GPHN: variants seen among roughly 807,000 people sequenced by gnomAD.
The protein encoded by GPHN is gephyrin.
GPHN carries 17 observed loss-of-function variants against 95.5 expected under a neutral mutation model. That is an observed-to-expected ratio of 0.18 (90% confidence interval 0.12 to 0.27). GPHN has a LOEUF of 0.27. Among genes scored for constraint, GPHN ranks in the 10% least tolerant of loss-of-function variants. The pLI is 1.00. For synonymous variants in GPHN, 320 were observed against 322.5 expected (o/e 0.99, Z 0.08); for missense variants, 660 against 978.1 (o/e 0.67, Z 4.34).
the GPHN span, among the ~76,000 whole-genome samples, chr14:67,734,765 G>T: frequency 6.6e-6 from 1 of 152,204 alleles, no homozygotes; most frequent in African/African-American, 2.4e-5. Context: ...TTTGAGTGCT[G>T]ACGGAGACAC....
At chr14:66,910,869 A>G (rs1427553801) in intron 5 of GPHN, among the ~76,000 whole-genome samples, 2 of 151,982 alleles carry the variant, frequency 1.3e-5, no homozygotes, top group Admixed American at 6.6e-5. Context: ...TACAATTTGA[A>G]GAACACTGTC....
At chr14:66,711,729 A>G (rs1263148166) in intron 2 of GPHN, among the ~76,000 whole-genome samples, 1 of 150,230 alleles carries the variant, frequency 6.7e-6, no homozygotes, top group East Asian at 2.0e-4. Flanking sequence ...TCCTAATGCT[A>G]TCCCTCCCCC....
At chr14:66,659,900 T>A (rs758181330) in intron 1 of GPHN, among the ~76,000 whole-genome samples, 83 of 152,120 alleles carry the variant, frequency 5.5e-4, no homozygotes, top group Non-Finnish European at 1.0e-3. Context: ...TTACACCATT[T>A]ACATTTATAT....
chr14:66,676,706 A>G (rs1190598528), intron 1 of GPHN, among the ~76,000 whole-genome samples: 1 of 138,066 alleles, frequency 7.2e-6, no homozygotes, highest in Admixed American at 7.9e-5. Context: ...CTTTGGATTC[A>G]GATTCCTAGT....
At chr14:67,199,901 C>T in the GPHN span, 1 of 1,480,880 alleles carries the variant, frequency 6.8e-7, no homozygotes, top group Non-Finnish European at 9.0e-7. Flanking sequence ...GCAGGAACCC[C>T]AGGGGCAGGA....
chr14:67,662,629 G>T, the GPHN span: 3 of 1,133,466 alleles, frequency 2.6e-6, no homozygotes, highest in Non-Finnish European at 3.8e-6. Flanking sequence ...CCTATGGCAG[G>T]GCCTGGTGGC....
At chr14:67,069,545 A>G (rs1721269514) in intron 11 of GPHN, among the ~76,000 whole-genome samples, 1 of 152,272 alleles carries the variant, frequency 6.6e-6, no homozygotes, top group East Asian at 1.9e-4. Context: ...CTTAGTTCCA[A>G]CAGCAAAACT....
the GPHN span, among the ~76,000 whole-genome samples, chr14:67,617,807 G>A: frequency 2.2e-3 from 338 of 152,210 alleles, 3 homozygotes; most frequent in Non-Finnish European, 3.8e-3. Flanking sequence ...CGCAATCTCC[G>A]CCTCCCAGGT....
At chr14:67,638,576 T>C in the GPHN span, among the ~76,000 whole-genome samples, 2 of 152,156 alleles carry the variant, frequency 1.3e-5, no homozygotes, top group East Asian at 1.9e-4. Context: ...TTAGGACTCA[T>C]TGTCCCAAGT....
chr14:66,720,962 A>G (rs2070687833), intron 2 of GPHN, among the ~76,000 whole-genome samples: 1 of 152,216 alleles, frequency 6.6e-6, no homozygotes, highest in Non-Finnish European at 1.5e-5. Context: ...CAAAGCACAA[A>G]AGAGCCAGCA....
chr14:66,656,338 G>A (rs750881953), intron 1 of GPHN, among the ~76,000 whole-genome samples: 4 of 152,092 alleles, frequency 2.6e-5, no homozygotes, highest in Non-Finnish European at 5.9e-5. Flanking sequence ...TTGTTCTTTT[G>A]AGGAATTGCC....
intron 18 of GPHN, among the ~76,000 whole-genome samples, chr14:67,147,829 AACCTAGGGCAG>A (rs2080988675): frequency 1.3e-5 from 2 of 152,218 alleles, no homozygotes; most frequent in Admixed American, 1.3e-4. Flanking sequence ...ATAAGAACCT[AACCTAGGGCAG>A]ACTGAGTATC....
At chr14:66,617,034 CTT>C (rs2063073142) in intron 1 of GPHN, among the ~76,000 whole-genome samples, 1 of 152,106 alleles carries the variant, frequency 6.6e-6, no homozygotes, top group Non-Finnish European at 1.5e-5. Flanking sequence ...TAACGAAGCA[CTT>C]TGACTGTCCA....
At chr14:66,531,691 C>T (rs1453049936) in intron 1 of GPHN, among the ~76,000 whole-genome samples, 1 of 152,138 alleles carries the variant, frequency 6.6e-6, no homozygotes, top group Non-Finnish European at 1.5e-5. Context: ...TACAGCTCAA[C>T]TCAATATGTA....
the GPHN span, among the ~76,000 whole-genome samples, chr14:67,313,855 C>T: frequency 8.6e-5 from 13 of 151,768 alleles, no homozygotes; most frequent in African/African-American, 2.7e-4. Context: ...ACTGTATATG[C>T]TCAGTTTATA....
At chr14:66,700,129 T>A (rs914934868) in intron 2 of GPHN, among the ~76,000 whole-genome samples, 1 of 152,186 alleles carries the variant, frequency 6.6e-6, no homozygotes, top group Admixed American at 6.5e-5. Context: ...TTTCTGAGGT[T>A]ATAGTGTTAA....
intron 3 of GPHN, among the ~76,000 whole-genome samples, chr14:66,788,722 C>G (rs905907726): frequency 6.6e-6 from 1 of 152,072 alleles, no homozygotes; most frequent in African/African-American, 2.4e-5. Context: ...AATGGTACAA[C>G]GTCAGCTCAC....
the GPHN span, among the ~76,000 whole-genome samples, chr14:67,667,743 G>A: frequency 2.0e-5 from 3 of 152,254 alleles, no homozygotes; most frequent in Non-Finnish European, 2.9e-5. Context: ...AGGAGATCGA[G>A]ACCATCCTGG....
chr14:67,619,905 C>T, the GPHN span: 432 of 1,019,912 alleles, frequency 4.2e-4, 4 homozygotes, highest in East Asian at 0.013. Flanking sequence ...AGAGCAGCGG[C>T]GGGCGGTGGC....
Sources: gnomAD v4.1 joint callset for allele counts (sites outside exome capture counted in the v4.1 genomes callset) on GRCh38, gnomAD v4.1.1 for gene constraint, MANE v1.5 for transcripts, NCBI Gene and HGNC (gene_info 2026-07-23, HGNC 2026-07-21) for gene names.